Variants in MLLT3 observed in about 807,000 individuals in gnomAD.
The protein encoded by MLLT3 is MLLT3 super elongation complex subunit.
Under a neutral mutation model 53.2 loss-of-function variants are expected in MLLT3, and 4 were observed. The ratio of observed to expected loss-of-function variants is 0.08; its 90% confidence interval spans 0.04 to 0.17. The LOEUF (loss-of-function observed/expected upper bound fraction) is 0.17, where lower values mean the gene tolerates loss of function less well. Among genes scored for constraint, MLLT3 ranks in the 10% least tolerant of loss-of-function variants. MLLT3 has a pLI of 1.00. For synonymous variants in MLLT3, 283 were observed against 230.6 expected, an observed-to-expected ratio of 1.23 and a Z score of -2.06; for missense variants, 569 against 684.0, an observed-to-expected ratio of 0.83 and a Z score of 1.87.
intron 2 of MLLT3, among the ~76,000 whole-genome samples, chr9:20,525,318 G>A (rs944532556): frequency 2.0e-5 from 3 of 152,002 alleles, no homozygotes; most frequent in Non-Finnish European, 4.4e-5. Flanking sequence ...CCAACATGGT[G>A]AAATCCTGTC....
chr9:20,615,363 A>G (rs1317065346), intron 2 of MLLT3, among the ~76,000 whole-genome samples: 3 of 72,808 alleles, frequency 4.1e-5, no homozygotes, highest in East Asian at 4.5e-4. Flanking sequence ...ACCATGTGAA[A>G]AAAAAAAAAA....
intron 2 of MLLT3, among the ~76,000 whole-genome samples, chr9:20,516,847 A>G (rs1006332791): frequency 1.3e-5 from 2 of 152,264 alleles, no homozygotes; most frequent in Non-Finnish European, 2.9e-5. Flanking sequence ...TTTTTACAAC[A>G]GGATGAGATA....
At chr9:20,519,536 T>C (rs1022635740) in intron 2 of MLLT3, among the ~76,000 whole-genome samples, 2 of 152,124 alleles carry the variant, frequency 1.3e-5, no homozygotes, top group Admixed American at 6.6e-5. Context: ...ACTCACAGAA[T>C]ATCACTGAAT....
Position 20,414,421 on chromosome 9 carries a change from G to A in MLLT3, c.425C>T (p.Pro142Leu). The A allele has an allele frequency of 1.2e-6, 2 of 1,603,534 alleles. No homozygotes were observed. Among genetic ancestry groups the A allele is most frequent in the South Asian group, 2.2e-5 (2 of 90,478 alleles). The stretch of plus-strand genomic sequence containing the variant: ...GCTGCTGGTATGAATACTCCTATTA[G>A]GGTCCTGCAAAAAGGGGAGAAGAAA... Reference protein sequence around the residue: ...RRKLLKAGGDPNRSIHTSSSS... With the variant: ...RRKLLKAGGDLNRSIHTSSSS... The change falls in exon 5 of 11, where the codon CCT (proline) becomes CTT (leucine). Residue 142 changes from proline to leucine, a missense_variant. Transcript: ENST00000380338.
At chr9:20,353,472 C>T in intron 10 of MLLT3, 53 bp downstream of exon 10, 1 of 1,523,346 alleles carries the variant, frequency 6.6e-7, no homozygotes, top group Non-Finnish European at 9.1e-7. Flanking sequence ...TACTGCAGGA[C>T]AAACCAAGTC....
chr9:20,452,112 T>C (rs1823854366), intron 3 of MLLT3, among the ~76,000 whole-genome samples: 2 of 152,214 alleles, frequency 1.3e-5, no homozygotes, highest in Non-Finnish European at 2.9e-5. Context: ...ATTAAGACTC[T>C]TCCATCATTA....
At chr9:20,408,270 T>C (rs1315802432) in intron 5 of MLLT3, among the ~76,000 whole-genome samples, 1 of 149,584 alleles carries the variant, frequency 6.7e-6, no homozygotes, top group Non-Finnish European at 1.5e-5. Context: ...GGCCTCCAAC[T>C]GTTTTTTTTT....
intron 2 of MLLT3, among the ~76,000 whole-genome samples, chr9:20,561,695 C>T (rs781125387): frequency 6.6e-6 from 1 of 152,170 alleles, no homozygotes; most frequent in African/African-American, 2.4e-5. Context: ...AAAATCTCCA[C>T]ACGACTCAAA....
chr9:20,537,835 C>T (rs933185607), intron 2 of MLLT3, among the ~76,000 whole-genome samples: 7 of 152,100 alleles, frequency 4.6e-5, no homozygotes, highest in Non-Finnish European at 5.9e-5. Flanking sequence ...ATAAGCACTC[C>T]AACATCAAAG....
chr9:20,373,597 T>C (rs957777291), intron 5 of MLLT3, among the ~76,000 whole-genome samples: 2 of 152,158 alleles, frequency 1.3e-5, no homozygotes, highest in African/African-American at 4.8e-5. Flanking sequence ...ACTTGATCTT[T>C]AAAGCAATCA....
intron 2 of MLLT3, among the ~76,000 whole-genome samples, chr9:20,553,307 C>G (rs1329414999): frequency 6.6e-6 from 1 of 152,162 alleles, no homozygotes; most frequent in Admixed American, 6.5e-5. Flanking sequence ...CCAAAATACT[C>G]TAGAAGAGCT....
At chr9:20,475,735 G>A (rs1268756901) in intron 2 of MLLT3, among the ~76,000 whole-genome samples, 5 of 152,078 alleles carry the variant, frequency 3.3e-5, no homozygotes, top group African/African-American at 9.7e-5. Flanking sequence ...CCATTACACT[G>A]ATTTACATTA....
At chr9:20,599,442 T>A (rs1563837740) in intron 2 of MLLT3, among the ~76,000 whole-genome samples, 1 of 142,610 alleles carries the variant, frequency 7.0e-6, no homozygotes, top group Non-Finnish European at 1.5e-5. Flanking sequence ...TCTGAAACAA[T>A]TAGTAACCAG....
intron 2 of MLLT3, among the ~76,000 whole-genome samples, chr9:20,504,710 G>T (rs1028609479): frequency 6.6e-6 from 1 of 151,880 alleles, no homozygotes; most frequent in Admixed American, 6.6e-5. Context: ...ATTTTATTTT[G>T]AAAAACATTA....
intron 2 of MLLT3, among the ~76,000 whole-genome samples, chr9:20,539,384 C>T (rs550079973): frequency 6.6e-6 from 1 of 152,264 alleles, no homozygotes; most frequent in African/African-American, 2.4e-5. Context: ...TAAAGAACTA[C>T]CTGAGAATGG....
intron 2 of MLLT3, among the ~76,000 whole-genome samples, chr9:20,615,534 C>A (rs1293065118): frequency 2.6e-5 from 4 of 151,910 alleles, no homozygotes; most frequent in Admixed American, 2.6e-4. Context: ...TACCTTTTCT[C>A]TTTCCATTAA....
At chr9:20,489,250 G>T (rs1016574388) in intron 2 of MLLT3, among the ~76,000 whole-genome samples, 1 of 152,192 alleles carries the variant, frequency 6.6e-6, no homozygotes, top group African/African-American at 2.4e-5. Flanking sequence ...TTCTTTCAAT[G>T]AATTGGTTCC....
intron 2 of MLLT3, among the ~76,000 whole-genome samples, chr9:20,595,940 G>A (rs553841137): frequency 6.6e-6 from 1 of 152,088 alleles, no homozygotes; most frequent in East Asian, 1.9e-4. Flanking sequence ...CTCAAATGTG[G>A]CAAGTGACTG....
At chr9:20,432,339 T>G (rs1823292493) in intron 4 of MLLT3, among the ~76,000 whole-genome samples, 1 of 152,154 alleles carries the variant, frequency 6.6e-6, no homozygotes. Context: ...CTGACAGGAG[T>G]TAAATGAAAT....
Sources: allele counts gnomAD v4.1 joint callset (sites outside exome capture counted in the v4.1 genomes callset), GRCh38; gene constraint gnomAD v4.1.1; transcripts MANE v1.5; gene names NCBI Gene and HGNC (gene_info 2026-07-23, HGNC 2026-07-21).